Variants in KCND3 observed in about 807,000 individuals in gnomAD.
KCND3 encodes the protein potassium voltage-gated channel subfamily D member 3.
A neutral mutation model predicts 51.1 loss-of-function variants in KCND3; 9 were observed. That is an observed-to-expected ratio of 0.18 (90% CI 0.11 to 0.31). KCND3 has a LOEUF of 0.31. Among genes scored for constraint, KCND3 ranks in the 10% least tolerant of loss-of-function variants. KCND3 has a pLI of 1.00. For synonymous variants in KCND3, 349 were observed against 368.0 expected, an observed-to-expected ratio of 0.95 and a Z score of 0.59; for missense variants, 526 against 903.8, an observed-to-expected ratio of 0.58 and a Z score of 5.36.
intron 2 of KCND3, among the ~76,000 whole-genome samples, chr1:111,920,405 G>A (rs552344725): frequency 2.0e-5 from 3 of 152,326 alleles, no homozygotes; most frequent in African/African-American, 7.2e-5. Flanking sequence ...TCCTAGATAC[G>A]CCAGTGGCTT....
intron 2 of KCND3, among the ~76,000 whole-genome samples, chr1:111,933,518 C>T (rs576907936): frequency 3.9e-5 from 6 of 152,248 alleles, no homozygotes; most frequent in African/African-American, 1.4e-4. Context: ...GAAGAGCATT[C>T]ACGAAATTAT....
chr1:111,866,275 T>G (rs568429739), intron 2 of KCND3, among the ~76,000 whole-genome samples: 2 of 148,338 alleles, frequency 1.3e-5, no homozygotes, highest in South Asian at 2.1e-4. Context: ...TTTTTTTTTT[T>G]TTTTTGACAA....
rs186162357 is a variant in KCND3 at position 111,938,728 on chromosome 1, C to T, written c.1106+42893G>A. 3.2e-3 allele frequency among the ~76,000 whole-genome samples: 486 copies of T among 152,260 alleles called. 6 individuals carry two copies. Among genetic ancestry groups the T allele is most frequent in the African/African-American group, 8.1e-3 (338 of 41,536 alleles). ...GAACGTGCTTGGCTAAAGAGAAGAA[C>T]AGCAGGGAGGCCGCCAGGACTGCAC... On this transcript the variant is annotated intron_variant, in intron 2 of 7. Coordinates refer to ENST00000302127, the MANE Select transcript of KCND3 (RefSeq NM_001378969.1).
At chr1:111,889,564 A>T (rs1217612546) in intron 2 of KCND3, among the ~76,000 whole-genome samples, 5 of 151,900 alleles carry the variant, frequency 3.3e-5, no homozygotes, top group Non-Finnish European at 7.4e-5. Flanking sequence ...TTTTTAAATC[A>T]TTTTAGGAGA....
chr1:111,986,391 A>T (rs1675287886), intron 1 of KCND3, among the ~76,000 whole-genome samples: 1 of 152,208 alleles, frequency 6.6e-6, no homozygotes, highest in Admixed American at 6.5e-5. Context: ...ACCATTGATC[A>T]CCTCACTGCC....
intron 2 of KCND3, among the ~76,000 whole-genome samples, chr1:111,823,412 C>T (rs939332456): frequency 6.6e-6 from 1 of 152,208 alleles, no homozygotes; most frequent in Admixed American, 6.5e-5. Flanking sequence ...TAGCCTGACA[C>T]ATCCATCACA....
intron 2 of KCND3, among the ~76,000 whole-genome samples, chr1:111,826,811 A>C (rs1397950270): frequency 6.6e-6 from 1 of 152,232 alleles, no homozygotes; most frequent in African/African-American, 2.4e-5. Flanking sequence ...CACCTGAAAT[A>C]TGCTGATCTT....
At chr1:111,783,547 G>A (rs1250100268) in intron 3 of KCND3, among the ~76,000 whole-genome samples, 1 of 152,162 alleles carries the variant, frequency 6.6e-6, no homozygotes, top group African/African-American at 2.4e-5. Context: ...CTTTCTTCCT[G>A]TCTGGCTGAT....
At chr1:111,853,703 G>T (rs1440494439) in intron 2 of KCND3, 1 of 152,204 alleles carries the variant, frequency 6.6e-6, no homozygotes, top group East Asian at 1.9e-4. Context: ...GGGCAGTGAG[G>T]TTCATCTGCT....
chr1:111,841,536 C>T (rs547747082), intron 2 of KCND3, among the ~76,000 whole-genome samples: 5 of 152,220 alleles, frequency 3.3e-5, no homozygotes, highest in Admixed American at 2.6e-4. Context: ...TCAATTTAAT[C>T]GCTATGCAAC....
At chr1:111,805,254 A>G (rs1665511953) in intron 2 of KCND3, among the ~76,000 whole-genome samples, 1 of 152,206 alleles carries the variant, frequency 6.6e-6, no homozygotes, top group Non-Finnish European at 1.5e-5. Flanking sequence ...AATCCTCAAG[A>G]AAAGAACACA....
intron 2 of KCND3, among the ~76,000 whole-genome samples, chr1:111,920,792 G>A (rs185401674): frequency 3.2e-4 from 48 of 152,312 alleles, no homozygotes; most frequent in African/African-American, 1.1e-3. Context: ...CTCTTCCTTT[G>A]TGTAACCAAG....
At chr1:111,970,265 C>A (rs1212415268) in intron 2 of KCND3, among the ~76,000 whole-genome samples, 2 of 152,154 alleles carry the variant, frequency 1.3e-5, no homozygotes, top group African/African-American at 4.8e-5. Context: ...GATCCACTCA[C>A]CTCAGCCTCC....
intron 2 of KCND3, among the ~76,000 whole-genome samples, chr1:111,960,636 G>A (rs1673597260): frequency 6.6e-6 from 1 of 152,212 alleles, no homozygotes; most frequent in African/African-American, 2.4e-5. Context: ...GTGGGGTAGG[G>A]GGAGAAATCC....
chr1:111,915,763 A>C (rs1163338351), intron 2 of KCND3, among the ~76,000 whole-genome samples: 1 of 151,254 alleles, frequency 6.6e-6, no homozygotes. Flanking sequence ...AAAAAAAAAA[A>C]AACAAAAAAA....
At chr1:111,925,650 C>T (rs936788265) in intron 2 of KCND3, among the ~76,000 whole-genome samples, 1 of 152,176 alleles carries the variant, frequency 6.6e-6, no homozygotes, top group African/African-American at 2.4e-5. Flanking sequence ...GAATAATGTA[C>T]TCAGCACACT....
At chr1:111,875,516 A>T (rs1000841341) in intron 2 of KCND3, among the ~76,000 whole-genome samples, 3 of 152,216 alleles carry the variant, frequency 2.0e-5, no homozygotes, top group Admixed American at 1.3e-4. Flanking sequence ...TCCAAGAATG[A>T]AAGTTCAGAA....
chr1:111,784,474 C>A (rs1344257752), intron 3 of KCND3, among the ~76,000 whole-genome samples: 1 of 152,178 alleles, frequency 6.6e-6, no homozygotes, highest in African/African-American at 2.4e-5. Flanking sequence ...GACACAGTAT[C>A]TAAGGCAAAT....
intron 2 of KCND3, among the ~76,000 whole-genome samples, chr1:111,974,989 C>G (rs1282610539): frequency 1.3e-5 from 2 of 152,244 alleles, no homozygotes; most frequent in Admixed American, 1.3e-4. Context: ...TAATCTTTCC[C>G]TTCTCTGCAG....
Sources: gnomAD v4.1 joint callset for allele counts (sites outside exome capture counted in the v4.1 genomes callset) on GRCh38, gnomAD v4.1.1 for gene constraint, MANE v1.5 for transcripts, NCBI Gene and HGNC (gene_info 2026-07-23, HGNC 2026-07-21) for gene names.